TMEM132D: variants seen among roughly 807,000 people sequenced by gnomAD.
TMEM132D encodes the protein transmembrane protein 132D.
In TMEM132D, 21 loss-of-function variants were observed where a neutral mutation model predicts 62.3. The ratio of observed to expected loss-of-function variants is 0.34; its 90% CI spans 0.24 to 0.49. TMEM132D has a LOEUF of 0.49. Among genes scored for constraint, TMEM132D ranks in the 20% least tolerant of loss-of-function variants. The pLI is 0.99. For synonymous variants in TMEM132D, 621 were observed against 575.6 expected (o/e 1.08, Z -1.13); for missense variants, 1,346 against 1,402.8 (o/e 0.96, Z 0.65).
intron 3 of TMEM132D, among the ~76,000 whole-genome samples, chr12:129,464,798 A>G (rs556847030): frequency 1.3e-5 from 2 of 152,024 alleles, no homozygotes; most frequent in African/African-American, 4.8e-5. Flanking sequence ...GCGGCGTTAT[A>G]TCTGAGGGCT....
chr12:129,094,565 C>A (rs1875036346), intron 5 of TMEM132D, among the ~76,000 whole-genome samples: 1 of 152,136 alleles, frequency 6.6e-6, no homozygotes. Context: ...GAAATAGGAA[C>A]ACTTTTACAC....
At chr12:129,253,456 GTTAATT>G (rs1880321919) in intron 4 of TMEM132D, among the ~76,000 whole-genome samples, 1 of 152,138 alleles carries the variant, frequency 6.6e-6, no homozygotes, top group Non-Finnish European at 1.5e-5. Flanking sequence ...AGAGACTGAG[GTTAATT>G]TCCAGCCAAC....
chr12:129,572,565 C>T (rs1877546218), intron 2 of TMEM132D, among the ~76,000 whole-genome samples: 1 of 152,224 alleles, frequency 6.6e-6, no homozygotes, highest in African/African-American at 2.4e-5. Context: ...TCTCGTGCCT[C>T]AGCCTCCTGA....
intron 1 of TMEM132D, among the ~76,000 whole-genome samples, chr12:129,717,011 C>T (rs1455761349): frequency 1.3e-5 from 2 of 152,198 alleles, no homozygotes; most frequent in Non-Finnish European, 2.9e-5. Context: ...ATGCAACCCA[C>T]CTTCATGTTG....
At chr12:129,097,897 G>A (rs1174986815) in intron 5 of TMEM132D, among the ~76,000 whole-genome samples, 4 of 152,200 alleles carry the variant, frequency 2.6e-5, no homozygotes, top group South Asian at 2.1e-4. Flanking sequence ...AACTGCATAC[G>A]CAGAAGTGTT....
At chr12:129,251,357 CAAAAAAAAAAAAAAAAAA>C (rs59666716) in intron 4 of TMEM132D, among the ~76,000 whole-genome samples, 4 of 79,782 alleles carry the variant, frequency 5.0e-5, no homozygotes, top group African/African-American at 2.0e-4. Context: ...GACACTGTCT[CAAAAAAAAAAAAAAAAAA>C]AAAAAAAAGA....
chr12:129,376,802 C>T (rs961106603), intron 3 of TMEM132D, among the ~76,000 whole-genome samples: 4 of 152,102 alleles, frequency 2.6e-5, no homozygotes, highest in East Asian at 1.9e-4. Context: ...TGAAACTTAA[C>T]GAGTTATTTC....
intron 2 of TMEM132D, among the ~76,000 whole-genome samples, chr12:129,554,655 A>G (rs1021813610): frequency 6.6e-6 from 1 of 152,108 alleles, no homozygotes; most frequent in African/African-American, 2.4e-5. Flanking sequence ...GACCTATAAC[A>G]TGGGACCACT....
chr12:129,766,721 C>A (rs1388146156), intron 1 of TMEM132D, among the ~76,000 whole-genome samples: 1 of 152,084 alleles, frequency 6.6e-6, no homozygotes, highest in Non-Finnish European at 1.5e-5. Context: ...TCTTATACCC[C>A]CTCTATGCAC....
intron 5 of TMEM132D, among the ~76,000 whole-genome samples, chr12:129,107,423 C>G (rs868666494): frequency 6.6e-6 from 1 of 152,114 alleles, no homozygotes; most frequent in African/African-American, 2.4e-5. Context: ...TTCAACATGC[C>G]GTTTGAGCAT....
chr12:129,766,668 G>A (rs752100646), intron 1 of TMEM132D, among the ~76,000 whole-genome samples: 64 of 152,086 alleles, frequency 4.2e-4, no homozygotes, highest in Non-Finnish European at 8.4e-4. Context: ...GGTCTGCAAT[G>A]GGTCTGTATA....
At chr12:129,646,387 T>C (rs901673252) in intron 2 of TMEM132D, among the ~76,000 whole-genome samples, 1 of 152,166 alleles carries the variant, frequency 6.6e-6, no homozygotes, top group Non-Finnish European at 1.5e-5. Flanking sequence ...ACTCCTAACC[T>C]TTCTGCTACT....
At position 129,903,411 on chromosome 12, in the gene TMEM132D, C is replaced by G. The variant is rs186008637; in HGVS notation, c.-72G>C. ...GCGAACAAGAGACCGTCTCAGTCCC[C>G]TAGAGGCCCGCAGCGGGGCCGGTGG... On this transcript the variant is annotated 5_prime_UTR_variant, in exon 1 of 9. Transcript: ENST00000422113. The surrounding 1 kb of genome is among the most constrained non-coding windows in gnomAD (Gnocchi z 6.2). 1,595 of 1,487,032 alleles carry G rather than the reference C, an allele frequency of 1.1e-3. 17 individuals carry two copies. The African/African-American group carries it at 0.019, about 18-fold the overall frequency. The allele number at this position is 1,487,032 out of a possible 1,614,324, so 92.1% of individuals were successfully genotyped here. A position where few individuals can be genotyped will look rare whatever the true frequency, so the allele number is the denominator to read the frequency against.
intron 1 of TMEM132D, among the ~76,000 whole-genome samples, chr12:129,716,956 T>C (rs1372699465): frequency 6.6e-6 from 1 of 152,160 alleles, no homozygotes; most frequent in Non-Finnish European, 1.5e-5. Flanking sequence ...GTAGAAATGG[T>C]GCAGGCCAAC....
intron 3 of TMEM132D, among the ~76,000 whole-genome samples, chr12:129,440,613 G>A (rs1566069251): frequency 6.6e-6 from 1 of 152,182 alleles, no homozygotes; most frequent in Non-Finnish European, 1.5e-5. Flanking sequence ...GGTGACTTGT[G>A]GATGGGAAAT....
chr12:129,763,533 G>A (rs769398047), intron 1 of TMEM132D, among the ~76,000 whole-genome samples: 10 of 151,104 alleles, frequency 6.6e-5, no homozygotes, highest in Admixed American at 6.6e-5. Flanking sequence ...CTACCTGTCC[G>A]CATACCAGCT....
chr12:129,654,573 A>AT (rs1197373311), intron 2 of TMEM132D, among the ~76,000 whole-genome samples: 1 of 152,154 alleles, frequency 6.6e-6, no homozygotes, highest in Non-Finnish European at 1.5e-5. Context: ...CTATGTTTAC[A>AT]TTTACACTTT....
chr12:129,469,612 C>T (rs759873661), intron 3 of TMEM132D, among the ~76,000 whole-genome samples: 17 of 152,264 alleles, frequency 1.1e-4, no homozygotes, highest in East Asian at 3.9e-4. Flanking sequence ...CTCAGGTATA[C>T]GGCAGTGACC....
intron 4 of TMEM132D, among the ~76,000 whole-genome samples, chr12:129,241,527 C>T (rs1250968777): frequency 6.6e-6 from 1 of 152,026 alleles, no homozygotes; most frequent in East Asian, 1.9e-4. Flanking sequence ...CCTAGAACAC[C>T]CTCTCCCTCC....
Sources: allele counts gnomAD v4.1 joint callset (sites outside exome capture counted in the v4.1 genomes callset), GRCh38; gene constraint gnomAD v4.1.1; non-coding constraint Gnocchi (gnomAD v3.1); transcripts MANE v1.5; gene names NCBI Gene and HGNC (gene_info 2026-07-23, HGNC 2026-07-21).